Variants in DEAF1 observed in about 807,000 individuals in gnomAD.
The protein encoded by DEAF1 is deformed epidermal autoregulatory factor 1 homolog.
A neutral mutation model predicts 58.9 loss-of-function variants in DEAF1; 53 were observed. The ratio of observed to expected loss-of-function variants is 0.90; its 90% CI spans 0.72 to 1.13. The LOEUF is 1.13. DEAF1 is among the 50% of genes most tolerant of loss of function. The pLI, the probability that DEAF1 is intolerant of heterozygous loss-of-function variation, is 0.00. For missense variants in DEAF1, 685 were observed against 791.4 expected (o/e 0.87, Z 1.61); for synonymous variants, 385 against 340.4 (o/e 1.13, Z -1.44).
At chr11:692,166 C>T (rs1229763499) in intron 1 of DEAF1, 1 of 194,824 alleles carries the variant, frequency 5.1e-6, no homozygotes, top group African/African-American at 2.3e-5. Flanking sequence ...TTGGTGCCAC[C>T]CCACCGCACC....
intron 1 of DEAF1, chr11:700,562 C>T (rs1861404253): frequency 7.5e-7 from 1 of 1,341,536 alleles, no homozygotes; most frequent in Middle Eastern, 2.0e-4. Context: ...GCTGAGGTGG[C>T]TGCTGCTGCT....
chr11:654,887 A>G (rs1416692747), intron 10 of DEAF1, among the ~76,000 whole-genome samples: 1 of 150,846 alleles, frequency 6.6e-6, no homozygotes, highest in Non-Finnish European at 1.5e-5. Context: ...AAGGGAAATC[A>G]GGGCCGGATG....
At chr11:648,045 C>G (rs982820083) in intron 11 of DEAF1, among the ~76,000 whole-genome samples, 2 of 144,946 alleles carry the variant, frequency 1.4e-5, no homozygotes, top group Admixed American at 7.0e-5. Context: ...TGGACTTGAC[C>G]CAGGCGGTGC....
intron 10 of DEAF1, among the ~76,000 whole-genome samples, chr11:667,193 G>A (rs1859577487): frequency 6.6e-6 from 1 of 152,086 alleles, no homozygotes; most frequent in Non-Finnish European, 1.5e-5. Context: ...GTAGTGGCCA[G>A]TGCCGGTAGT....
intron 1 of DEAF1, chr11:703,604 G>A (rs751073769): frequency 9.1e-5 from 112 of 1,232,978 alleles, no homozygotes; most frequent in Middle Eastern, 3.1e-4. Flanking sequence ...CCGTGGCCAG[G>A]CCCCACCTGT....
At chr11:702,219 G>A (rs1436142769) in intron 1 of DEAF1, among the ~76,000 whole-genome samples, 4 of 152,224 alleles carry the variant, frequency 2.6e-5, no homozygotes, top group African/African-American at 9.6e-5. Context: ...CCCACTGAGG[G>A]GTGCCCGGCC....
At chr11:651,414 GA>G (rs200274966) in intron 11 of DEAF1, 73,967 of 230,072 alleles carry the variant, frequency 0.32, 7,443 homozygotes, top group African/African-American at 0.58. Context: ...ATCTCTGTAA[GA>G]AAAAAAAAAA....
At chr11:659,815 A>G (rs1859234818) in intron 10 of DEAF1, among the ~76,000 whole-genome samples, 1 of 152,104 alleles carries the variant, frequency 6.6e-6, no homozygotes, top group Admixed American at 6.5e-5. Context: ...ACAGAGCGGG[A>G]GAGGGGAGAG....
chr11:676,868 G>A (rs535056990), intron 9 of DEAF1, among the ~76,000 whole-genome samples: 73 of 152,278 alleles, frequency 4.8e-4, no homozygotes, highest in Admixed American at 1.6e-3. Context: ...GTTCTGCACT[G>A]GAACTAGAGA....
chr11:670,798 G>C (rs1195512781), intron 10 of DEAF1, among the ~76,000 whole-genome samples: 3 of 108,900 alleles, frequency 2.8e-5, no homozygotes, highest in Admixed American at 1.1e-4. Flanking sequence ...TTTTTTTTGA[G>C]ACGAGGTCTC....
intron 9 of DEAF1, among the ~76,000 whole-genome samples, chr11:676,593 C>T (rs753527826): frequency 2.6e-5 from 4 of 151,964 alleles, no homozygotes; most frequent in Non-Finnish European, 5.9e-5. Flanking sequence ...GCTCACTGCC[C>T]TCCCGGGTTC....
chr11:669,392 T>C (rs991572293), intron 10 of DEAF1, among the ~76,000 whole-genome samples: 1 of 152,154 alleles, frequency 6.6e-6, no homozygotes, highest in African/African-American at 2.4e-5. Context: ...ATCTCAGCAC[T>C]TTGGGAGGCC....
At chr11:670,954 A>G (rs1589994052) in intron 10 of DEAF1, among the ~76,000 whole-genome samples, 4 of 78,736 alleles carry the variant, frequency 5.1e-5, no homozygotes, top group African/African-American at 1.9e-4. Context: ...TTTGAGACAG[A>G]GTCTCACTTT....
chr11:660,182 C>T (rs1859260490), intron 10 of DEAF1, among the ~76,000 whole-genome samples: 1 of 152,174 alleles, frequency 6.6e-6, no homozygotes, highest in Non-Finnish European at 1.5e-5. Flanking sequence ...AAGAGAAAAC[C>T]CTCAAAACAT....
chr11:659,619 C>A (rs7119160), intron 10 of DEAF1, among the ~76,000 whole-genome samples: 12,746 of 152,240 alleles, frequency 0.084, 658 homozygotes, highest in Admixed American at 0.18. Context: ...CAGGGGCCTC[C>A]GCCTGCTTCA....
chr11:658,067 C>G (rs1167392206), intron 10 of DEAF1, among the ~76,000 whole-genome samples: 2 of 152,158 alleles, frequency 1.3e-5, no homozygotes, highest in African/African-American at 4.8e-5. Context: ...CAGAAGGGAC[C>G]CTCTGCGCTC....
chr11:687,661 C>A (rs1410702819), intron 4 of DEAF1, among the ~76,000 whole-genome samples: 1 of 152,162 alleles, frequency 6.6e-6, no homozygotes, highest in African/African-American at 2.4e-5. Flanking sequence ...CCACGCTCCA[C>A]TAATTTTTTG....
chr11:675,066 C>T (rs908981784), intron 9 of DEAF1, among the ~76,000 whole-genome samples: 8 of 152,184 alleles, frequency 5.3e-5, no homozygotes, highest in African/African-American at 9.6e-5. Context: ...CGCCTGTAGT[C>T]CCAGCTACCT....
upstream of DEAF1, among the ~76,000 whole-genome samples, chr11:698,653 A>C (rs1861307221): frequency 6.6e-6 from 1 of 152,026 alleles, no homozygotes. Context: ...CTCCAGCCTC[A>C]GGTTCTGAAA....
Sources: gnomAD v4.1 joint callset for allele counts (sites outside exome capture counted in the v4.1 genomes callset) on GRCh38, gnomAD v4.1.1 for gene constraint, MANE v1.5 for transcripts, NCBI Gene and HGNC (gene_info 2026-07-23, HGNC 2026-07-21) for gene names.